The following PHRF1 variants were observed in gnomAD, a reference collection of about 807,000 sequenced individuals.
The protein encoded by PHRF1 is PHD and ring finger domains 1.
Under a neutral mutation model 128.9 loss-of-function variants are expected in PHRF1, and 53 were observed. The ratio of observed to expected loss-of-function variants is 0.41; its 90% CI spans 0.33 to 0.52. The LOEUF is 0.52. Among genes scored for constraint, PHRF1 ranks in the 20% least tolerant of loss-of-function variants. PHRF1 has a pLI of 0.21. For missense variants in PHRF1, 2,503 were observed against 2,284.5 expected (o/e 1.10, Z -1.95); for synonymous variants, 1,178 against 980.6 (o/e 1.20, Z -3.76).
intron 1 of PHRF1, among the ~76,000 whole-genome samples, chr11:577,073 C>T (rs556063616): frequency 2.6e-5 from 4 of 152,326 alleles, no homozygotes; most frequent in African/African-American, 9.6e-5. Context: ...TGTGTCCGGC[C>T]CCTGTGCATG....
Position 587,290 on chromosome 11 carries a change from A to G in PHRF1, c.246A>G (p.Thr82=), listed in dbSNP as rs950213925. Residue 82 remains threonine, a synonymous_variant, in exon 4 of 18, where the codon ACA becomes ACG. Transcript: ENST00000264555. The stretch of plus-strand genomic sequence containing the variant: ...AGGATTCTGAAGACGACGGGGAGAC[A>G]TTGCTGGAGGTAGCGGGTACTCAGG... ...GSEDSEDDGE[T]LLEVAGTQGK... The G allele has an allele frequency of 1.9e-6, 3 of 1,613,522 alleles. No individual in the cohort carries two copies. The highest frequency in any genetic ancestry group is 1.7e-4 in the Middle Eastern group (1 of 5,988).
intron 3 of PHRF1, among the ~76,000 whole-genome samples, chr11:585,705 G>A (rs1854509799): frequency 4.0e-5 from 3 of 75,550 alleles, no homozygotes; most frequent in Admixed American, 2.7e-4. Context: ...TTTTGAGGTC[G>A]AGTCTCGCTC....
intron 6 of PHRF1, among the ~76,000 whole-genome samples, chr11:595,287 C>A (rs1855214138): frequency 6.6e-6 from 1 of 152,202 alleles, no homozygotes; most frequent in African/African-American, 2.4e-5. Flanking sequence ...TGCGCCACTG[C>A]ACTCCAGAGA....
chr11:605,426 C>T, intron 11 of PHRF1, 126 bp downstream of exon 11: 8 of 1,475,104 alleles, frequency 5.4e-6, no homozygotes, highest in Middle Eastern at 2.0e-4. Flanking sequence ...GGCCATTCCT[C>T]CCACCGCCAT....
At chr11:584,452 G>C (rs1168091988) in intron 3 of PHRF1, among the ~76,000 whole-genome samples, 1 of 152,174 alleles carries the variant, frequency 6.6e-6, no homozygotes, top group African/African-American at 2.4e-5. Flanking sequence ...CTGGGGGACA[G>C]GGTCATAGAC....
chr11:608,237 C>T lies in PHRF1; in HGVS notation c.2781C>T (p.Gly927=), dbSNP rs1856082575. The T allele has an allele frequency of 1.2e-6, 2 of 1,609,906 alleles. No individual in the cohort carries two copies. Among genetic ancestry groups the T allele is most frequent in the Non-Finnish European group, 1.7e-6 (2 of 1,179,762 alleles). Residue 927 remains glycine (G), a synonymous_variant, in exon 14 of 18, where the codon GGC becomes GGT. Coordinates refer to ENST00000264555, the MANE Select transcript of PHRF1 (RefSeq NM_001286581.2). ...GAGAGGAGCCCACAGAGAGCCAGGG[C>T]CTGGCTGCCCGGCTGCGGAGGCCAT... ...TEREEPTESQ[G]LAARLRRPSP... is the part of the protein sequence containing the mutation.
Position 608,738 on chromosome 11 carries a change from G to T in PHRF1, c.3282G>T (p.Gly1094=). 1 of 1,611,514 alleles carries T rather than the reference G, an allele frequency of 6.2e-7. No individual in the cohort carries two copies. The highest frequency in any genetic ancestry group is 1.1e-5 in the South Asian group (1 of 90,986). ...GGAGGACGTCCCGGTCGCGGTCGGG[G>T]AGCCCTGGCAGCTCTTCCTATGAGC... ...HSRRTSRSRS[G]SPGSSSYEHY... Residue 1094 remains glycine, a synonymous_variant, in exon 14 of 18, where the codon GGG becomes GGT. Coordinates refer to ENST00000264555, the MANE Select transcript of PHRF1 (RefSeq NM_001286581.2).
intron 4 of PHRF1, among the ~76,000 whole-genome samples, 170 bp from the exon 5 acceptor site, chr11:591,214 A>AG (rs1854950806): frequency 6.6e-6 from 1 of 152,192 alleles, no homozygotes; most frequent in South Asian, 2.1e-4. Flanking sequence ...GCAGCTCTGC[A>AG]GGGAGGCAAG....
rs10902176 is a variant in PHRF1, at chr11:585,026, C to A, written c.215-2233C>A. Among the ~76,000 whole-genome samples, 77 of 152,284 alleles carry A rather than the reference C, an allele frequency of 5.1e-4. No homozygotes were observed. In the East Asian group the frequency reaches 0.015, roughly 29 times the overall value. On this transcript the variant is annotated intron_variant, in intron 3 of 17. Coordinates refer to ENST00000264555, the MANE Select transcript of PHRF1 (RefSeq NM_001286581.2). ...GTGCTGGGATGACAGGCATGAGCCA[C>A]CGCGCCTGGCCAGGACTGTTTTTTA...
intron 3 of PHRF1, among the ~76,000 whole-genome samples, chr11:582,799 C>T (rs1275362047): frequency 5.3e-5 from 8 of 151,608 alleles, no homozygotes; most frequent in African/African-American, 1.9e-4. Context: ...GCTGGGATTA[C>T]AGGCGTGAGC....
chr11:589,614 G>T (rs923847780), intron 4 of PHRF1, among the ~76,000 whole-genome samples: 2 of 152,246 alleles, frequency 1.3e-5, no homozygotes. Flanking sequence ...TCAGCTGGGG[G>T]CTGCTCACAG....
intron 10 of PHRF1, 48 bp from the exon 11 acceptor site, chr11:605,071 T>C: frequency 6.4e-7 from 1 of 1,552,214 alleles, no homozygotes; most frequent in East Asian, 2.3e-5. Flanking sequence ...CCCTCGTAGA[T>C]GCCATCCCCG....
chr11:581,639 C>G, intron 2 of PHRF1, 33 bp downstream of exon 2: 1 of 1,572,802 alleles, frequency 6.4e-7, no homozygotes, highest in Non-Finnish European at 8.7e-7. Flanking sequence ...GGGGCGTCCC[C>G]AGGAGGAGCA....
chr11:606,749 G>T, intron 13 of PHRF1, 153 bp downstream of exon 13: 1 of 1,190,248 alleles, frequency 8.4e-7, no homozygotes, highest in South Asian at 1.6e-5. Context: ...TTCCCTTCTT[G>T]AGCAGTTTCT....
rs1854493317 is a variant in PHRF1 at position 585,612 on chromosome 11, TTGAGGTAGTAGCC to T, written c.215-1646_215-1634del. Among the ~76,000 whole-genome samples the T allele has an allele frequency of 9.5e-4, 91 of 95,770 alleles. 13 individuals are homozygous for T. The highest frequency in any genetic ancestry group is 1.1e-3 in the Admixed American group (10 of 9,204). The allele number at this position is 95,770 out of a possible 152,430, so 62.8% of individuals were successfully genotyped here. A position where few individuals can be genotyped will look rare whatever the true frequency, so the allele number is the denominator to read the frequency against. On this transcript the variant is annotated intron_variant, in intron 3 of 17. Coordinates refer to ENST00000264555, the MANE Select transcript of PHRF1 (RefSeq NM_001286581.2). Reference sequence around the variant, plus strand: ...GCTTGAGGTAGTAGCCCTTTCCAGCTTGAGGTAGTAGCCCTTTCCAGCTTGAGGTAGTAGCCCT... The same window carrying T: ...GCTTGAGGTAGTAGCCCTTTCCAGCTCTTTCCAGCTTGAGGTAGTAGCCCT...
In PHRF1 at chr11:597,615, C is replaced by T. The variant is rs1248070405; in HGVS notation, c.894+45C>T. 3.8e-6 allele frequency: 6 copies of T among 1,559,386 alleles called. No individual in the cohort carries two copies. Among genetic ancestry groups the T allele is most frequent in the Non-Finnish European group, 5.2e-6 (6 of 1,150,140 alleles). On this transcript the variant is annotated intron_variant, in intron 8 of 17. Coordinates refer to ENST00000264555, the MANE Select transcript of PHRF1 (RefSeq NM_001286581.2). The surrounding 1 kb of genome is among the most constrained non-coding windows in gnomAD (Gnocchi z 6.5). ...CGCCAGTCGTAGAACCCCAGCTGCC[C>T]AGAGTGATCTCGGCAGTCTGGGTGG...
chr11:611,181 C>CG, intron 17 of PHRF1, 99 bp downstream of exon 17: 1 of 1,543,428 alleles, frequency 6.5e-7, no homozygotes, highest in Non-Finnish European at 8.7e-7. Context: ...TGAGTGCAGG[C>CG]CCGAGGTCAG....
At position 581,998 on chromosome 11, in the gene PHRF1, A is replaced by G. The variant is rs912636329; in HGVS notation, c.131A>G (p.Asp44Gly). ...SSVGSSGDSG[D>G]DSDSEHGDGT... ...GTGGGCAGCAGTGGGGACTCTGGGG[A>G]CGACAGTGACAGCGAGCATGGAGAT... The change falls in exon 3 of 18, where the codon GAC (aspartate) becomes GGC (glycine). Residue 44 changes from aspartate to glycine, a missense_variant. Asp to Gly is a moderately conservative substitution (Grantham distance 94, BLOSUM62 -1). Transcript: ENST00000264555. 1.2e-5 allele frequency: 19 copies of G among 1,607,468 alleles called. No individual in the cohort carries two copies. The highest frequency in any genetic ancestry group is 1.5e-5 in the Non-Finnish European group (18 of 1,177,162).
Position 597,157 on chromosome 11 carries a change from T to G in PHRF1, c.718+137T>G. The G allele has an allele frequency of 9.7e-7, 1 of 1,029,566 alleles. No individual in the cohort carries two copies. The highest frequency in any genetic ancestry group is 1.4e-6 in the Non-Finnish European group (1 of 705,362). The allele number at this position is 1,029,566 out of a possible 1,614,324, so 63.8% of individuals were successfully genotyped here. On this transcript the variant is annotated intron_variant, in intron 7 of 17. Transcript: ENST00000264555. The surrounding 1 kb of genome is among the most constrained non-coding windows in gnomAD (Gnocchi z 6.5). ...ATGGGGGTTAGGGTTGGCTGCGGTG[T>G]CGGGAGGACATCTAGGGCTGTCTCG... is the stretch of plus-strand genomic sequence containing the variant.
Sources: gnomAD v4.1 joint callset for allele counts (sites outside exome capture counted in the v4.1 genomes callset) on GRCh38, gnomAD v4.1.1 for gene constraint, Gnocchi (gnomAD v3.1) non-coding constraint, MANE v1.5 for transcripts, NCBI Gene and HGNC (gene_info 2026-07-23, HGNC 2026-07-21) for gene names.